COL22A1: variants seen among roughly 807,000 people sequenced by gnomAD.
The protein encoded by COL22A1 is collagen alpha-1(XXII) chain.
A neutral mutation model predicts 248.9 loss-of-function variants in COL22A1; 221 were observed. The ratio of observed to expected loss-of-function variants is 0.89; its 90% CI spans 0.80 to 0.99. COL22A1 has a LOEUF of 0.99. COL22A1 is among the 50% of genes least tolerant of loss of function. COL22A1 has a pLI of 0.00. For missense variants in COL22A1, 2,240 were observed against 2,179.0 expected (o/e 1.03, Z -0.56); for synonymous variants, 891 against 793.4 (o/e 1.12, Z -2.07).
intron 45 of COL22A1, among the ~76,000 whole-genome samples, chr8:138,652,735 GTTTTTTTTTTTTTTTTT>G (rs71316352): frequency 3.7e-5 from 2 of 54,244 alleles, no homozygotes; most frequent in Non-Finnish European, 3.5e-5. Flanking sequence ...TCCTTTTCTG[GTTTTTTTTTTTTTTTTT>G]TTTTTTTTTT....
intron 41 of COL22A1, among the ~76,000 whole-genome samples, chr8:138,668,836 G>A (rs1051488806): frequency 5.3e-5 from 8 of 152,172 alleles, no homozygotes; most frequent in Non-Finnish European, 8.8e-5. Flanking sequence ...TCAGGGTTAC[G>A]GGATGCCTAG....
intron 3 of COL22A1, among the ~76,000 whole-genome samples, chr8:138,872,525 G>C (rs774155416): frequency 5.3e-5 from 8 of 152,178 alleles, no homozygotes; most frequent in Non-Finnish European, 1.5e-5. Context: ...CATTCCACAG[G>C]CTCACTTACA....
At chr8:138,835,723 T>C (rs986760519) in intron 4 of COL22A1, among the ~76,000 whole-genome samples, 1 of 152,224 alleles carries the variant, frequency 6.6e-6, no homozygotes, top group African/African-American at 2.4e-5. Flanking sequence ...GTGGACCAGA[T>C]ACCCAGATAC....
chr8:138,685,236 G>T lies in COL22A1; in HGVS notation c.2939C>A (p.Pro980Gln). Residue 980 changes from proline (P) to glutamine (Q), a missense_variant, in exon 38 of 65, where the codon CCA becomes CAA. By Grantham distance (76) the Pro-to-Gln change is moderately conservative (BLOSUM62 -1). Coordinates refer to ENST00000303045, the MANE Select transcript of COL22A1 (RefSeq NM_152888.3). ...GDPGAPGLPGPPGKGKDGEPG... is the reference protein window; with the variant it reads ...GDPGAPGLPGQPGKGKDGEPG... ...CTCTCCATCCTTCCCTTTTCCGGGT[G>T]GCCCAGGGAGCCCAGGAGCACCAGG... The T allele has an allele frequency of 1.2e-6, 2 of 1,613,262 alleles. No homozygotes were observed. The highest frequency in any genetic ancestry group is 2.2e-5 in the South Asian group (2 of 91,020).
chr8:138,864,280 C>T (rs1168472980), intron 3 of COL22A1, among the ~76,000 whole-genome samples: 1 of 151,998 alleles, frequency 6.6e-6, no homozygotes, highest in Non-Finnish European at 1.5e-5. Context: ...GTCTCCTGGG[C>T]CCAGGGGGCT....
intron 11 of COL22A1, among the ~76,000 whole-genome samples, chr8:138,799,144 A>T (rs1311731693): frequency 6.6e-6 from 1 of 152,176 alleles, no homozygotes; most frequent in Non-Finnish European, 1.5e-5. Flanking sequence ...TTTAAACCCC[A>T]GAACTTACAT....
chr8:138,807,512 G>A (rs1196789924), intron 10 of COL22A1, among the ~76,000 whole-genome samples: 1 of 152,210 alleles, frequency 6.6e-6, no homozygotes, highest in East Asian at 1.9e-4. Context: ...GAGCAAATGA[G>A]ACCTGAGCCA....
At chr8:138,603,504 A>G (rs58592409) in intron 59 of COL22A1, among the ~76,000 whole-genome samples, 17,688 of 152,190 alleles carry the variant, frequency 0.12, 1,539 homozygotes, top group African/African-American at 0.24. Context: ...CTAAGGGGAG[A>G]GCTGGATCAT....
At chr8:138,824,594 G>A (rs958231144) in intron 6 of COL22A1, among the ~76,000 whole-genome samples, 1 of 152,150 alleles carries the variant, frequency 6.6e-6, no homozygotes, top group Non-Finnish European at 1.5e-5. Context: ...GACAAATGGG[G>A]AAAATGTCAG....
At chr8:138,784,434 C>T (rs1815324459) in intron 12 of COL22A1, among the ~76,000 whole-genome samples, 1 of 152,178 alleles carries the variant, frequency 6.6e-6, no homozygotes, top group Admixed American at 6.5e-5. Flanking sequence ...GCTTTCTCAG[C>T]CTCCAGTTAC....
At chr8:138,820,699 C>T (rs1476332067) in intron 7 of COL22A1, among the ~76,000 whole-genome samples, 1 of 151,590 alleles carries the variant, frequency 6.6e-6, no homozygotes, top group Non-Finnish European at 1.5e-5. Flanking sequence ...TACCTATCCA[C>T]CTACCTGCAT....
At chr8:138,766,909 A>C (rs892269653) in intron 16 of COL22A1, among the ~76,000 whole-genome samples, 7 of 152,130 alleles carry the variant, frequency 4.6e-5, no homozygotes, top group Non-Finnish European at 5.9e-5. Context: ...CTTTGCTAGC[A>C]CTGCACTGGC....
chr8:138,599,633 G>A (rs1208466654), intron 60 of COL22A1, among the ~76,000 whole-genome samples: 1 of 152,204 alleles, frequency 6.6e-6, no homozygotes, highest in African/African-American at 2.4e-5. Flanking sequence ...GCTGAGGTGG[G>A]AAGATCGCTT....
intron 22 of COL22A1, among the ~76,000 whole-genome samples, chr8:138,747,817 A>G (rs1324394739): frequency 6.6e-6 from 1 of 152,226 alleles, no homozygotes; most frequent in Non-Finnish European, 1.5e-5. Context: ...AGGTGAGAAG[A>G]AAAGGGGCAG....
At chr8:138,710,074 C>A (rs1379853990) in intron 30 of COL22A1, among the ~76,000 whole-genome samples, 1 of 152,186 alleles carries the variant, frequency 6.6e-6, no homozygotes, top group African/African-American at 2.4e-5. Context: ...TGAAACCTAA[C>A]TATACCATTT....
chr8:138,725,240 C>G, intron 24 of COL22A1, 147 bp downstream of exon 24: 3 of 844,308 alleles, frequency 3.6e-6, no homozygotes, highest in Admixed American at 1.8e-5. Context: ...GCTGGCGGTT[C>G]TACGTGTCGG....
intron 41 of COL22A1, among the ~76,000 whole-genome samples, chr8:138,668,865 G>T (rs981089965): frequency 6.6e-6 from 1 of 152,190 alleles, no homozygotes; most frequent in Non-Finnish European, 1.5e-5. Context: ...GCATCAGCCC[G>T]AGAGAGTTTG....
intron 29 of COL22A1, 114 bp downstream of exon 29, chr8:138,716,113 T>C: frequency 1.2e-6 from 1 of 809,432 alleles, no homozygotes; most frequent in Non-Finnish European, 2.0e-6. Context: ...AGAAATACAC[T>C]CTTCACCCAG....
intron 33 of COL22A1, 122 bp from the exon 34 acceptor site, chr8:138,694,683 C>A: frequency 7.3e-7 from 1 of 1,368,808 alleles, no homozygotes; most frequent in South Asian, 1.3e-5. Context: ...TAGCTAGCGT[C>A]CTGAGGAGAA....
Sources: gnomAD v4.1 joint callset for allele counts (sites outside exome capture counted in the v4.1 genomes callset) on GRCh38, gnomAD v4.1.1 for gene constraint, MANE v1.5 for transcripts, NCBI Gene and HGNC (gene_info 2026-07-23, HGNC 2026-07-21) for gene names.